Variants in PCDH11X observed in about 807,000 individuals in gnomAD.
PCDH11X encodes the protein protocadherin-11 X-linked.
In PCDH11X, 18 loss-of-function variants were observed where a neutral mutation model predicts 53.3. The observed-to-expected ratio is 0.34, with a 90% CI of 0.23 to 0.50. The LOEUF is 0.50. Among genes scored for constraint, PCDH11X ranks in the 20% least tolerant of loss-of-function variants. The probability of loss-of-function intolerance (pLI) is 0.98; values close to 1 mark genes in which losing one functional copy is unlikely to be tolerated. For missense variants in PCDH11X, 570 were observed against 1,032.4 expected (o/e 0.55, Z 6.14); for synonymous variants, 279 against 393.3 (o/e 0.71, Z 3.44).
At chrX:92,275,980 A>T (rs1436889574) in intron 8 of PCDH11X, among the ~76,000 whole-genome samples, 1 of 110,554 alleles carries the variant, frequency 9.0e-6, no homozygotes, top group Non-Finnish European at 1.9e-5. Flanking sequence ...CAGCAATGAG[A>T]TGCGGCTATA....
At chrX:92,078,234 C>A (rs2063805253) in intron 6 of PCDH11X, among the ~76,000 whole-genome samples, 1 of 109,496 alleles carries the variant, frequency 9.1e-6, no homozygotes, top group African/African-American at 3.3e-5. Flanking sequence ...TTTAAACATT[C>A]CAAAGGAACT....
intron 10 of PCDH11X, among the ~76,000 whole-genome samples, chrX:92,517,627 A>G (rs1381515023): frequency 9.0e-6 from 1 of 111,107 alleles, no homozygotes; most frequent in African/African-American, 3.3e-5. Flanking sequence ...ATTAAATTTT[A>G]TCTCATGGGA....
In PCDH11X at chrX:92,618,999, C is replaced by G. The variant is rs961662442; in HGVS notation, c.*59C>G. The G allele has an allele frequency of 9.3e-7, 1 of 1,070,753 alleles. No individual in the cohort carries two copies. The highest frequency in any genetic ancestry group is 1.9e-5 in the African/African-American group (1 of 53,856). 88.2% of individuals were successfully genotyped at this position (1,070,753 alleles called of 1,213,427 possible). ...ATGTATATAGTCAAAATTTAAGATA[C>G]AATTCCAATGAGTATTCTGATTATC... On this transcript the variant is annotated 3_prime_UTR_variant, in exon 11 of 11. Coordinates refer to ENST00000682573, the MANE Select transcript of PCDH11X (RefSeq NM_032968.5).
At chrX:91,997,106 T>C (rs1283216456) in intron 6 of PCDH11X, among the ~76,000 whole-genome samples, 1 of 110,892 alleles carries the variant, frequency 9.0e-6, no homozygotes, top group Non-Finnish European at 1.9e-5. Flanking sequence ...ATTCCTTTAT[T>C]ATTTCTAACA....
chrX:91,886,743 G>A (rs962435792), intron 6 of PCDH11X, among the ~76,000 whole-genome samples: 16 of 109,360 alleles, frequency 1.5e-4, no homozygotes, highest in South Asian at 3.9e-4. Flanking sequence ...AGGCCAAGGC[G>A]GGAGGATCAC....
intron 10 of PCDH11X, among the ~76,000 whole-genome samples, chrX:92,591,339 A>G (rs1925017610): frequency 9.0e-6 from 1 of 111,269 alleles, no homozygotes; most frequent in Non-Finnish European, 1.9e-5. Context: ...CTTTGTGCAA[A>G]CCAGTTGAGT....
At chrX:91,826,112 T>A (rs1936914316) in intron 4 of PCDH11X, among the ~76,000 whole-genome samples, 1 of 111,690 alleles carries the variant, frequency 9.0e-6, no homozygotes, top group Non-Finnish European at 1.9e-5. Context: ...ATGGTTAATA[T>A]TACATTTATA....
chrX:92,363,568 A>G (rs1399140646), intron 8 of PCDH11X, among the ~76,000 whole-genome samples: 1 of 106,867 alleles, frequency 9.4e-6, no homozygotes, highest in Non-Finnish European at 1.9e-5. Flanking sequence ...AATCTTTAGG[A>G]TTTTATACAT....
At chrX:91,965,678 T>C (rs1325031670) in intron 6 of PCDH11X, among the ~76,000 whole-genome samples, 1 of 111,116 alleles carries the variant, frequency 9.0e-6, no homozygotes. Flanking sequence ...TTTATATCTA[T>C]TTCTTAATAA....
intron 9 of PCDH11X, among the ~76,000 whole-genome samples, chrX:92,403,318 C>T (rs1292076224): frequency 5.7e-5 from 5 of 88,420 alleles, no homozygotes; most frequent in African/African-American, 1.4e-4. Context: ...GATATGTGTC[C>T]GGGCATTTAC....
At chrX:92,169,676 T>A (rs897863338) in intron 6 of PCDH11X, among the ~76,000 whole-genome samples, 8 of 107,462 alleles carry the variant, frequency 7.4e-5, no homozygotes, top group African/African-American at 2.7e-4. Flanking sequence ...GTAGAATATA[T>A]TATATTCTGT....
chrX:92,116,203 A>G (rs1016886668), intron 6 of PCDH11X, among the ~76,000 whole-genome samples: 3 of 112,412 alleles, frequency 2.7e-5, no homozygotes, highest in African/African-American at 9.7e-5. Context: ...TTTGACCAGA[A>G]CTGGGGTTAA....
chrX:91,898,311 C>T (rs1300801988), intron 6 of PCDH11X, among the ~76,000 whole-genome samples: 1 of 108,171 alleles, frequency 9.2e-6, no homozygotes, highest in Non-Finnish European at 1.9e-5. Context: ...TCTCCTGTAC[C>T]AAAGCTATCT....
At chrX:92,038,040 C>G (rs1430943400) in intron 6 of PCDH11X, among the ~76,000 whole-genome samples, 1 of 109,446 alleles carries the variant, frequency 9.1e-6, no homozygotes, top group Non-Finnish European at 1.9e-5. Flanking sequence ...GCAAATCATT[C>G]AAGATGTGAC....
intron 7 of PCDH11X, among the ~76,000 whole-genome samples, chrX:92,250,617 A>T (rs1034194249): frequency 5.9e-4 from 63 of 106,702 alleles, no homozygotes; most frequent in Admixed American, 5.5e-3. Flanking sequence ...ATATAAAATA[A>T]TATGTATAAA....
chrX:92,013,450 A>T (rs2062728757), intron 6 of PCDH11X, among the ~76,000 whole-genome samples: 1 of 111,619 alleles, frequency 9.0e-6, no homozygotes, highest in Non-Finnish European at 1.9e-5. Context: ...GAAAATGGCC[A>T]TACTGCCCAA....
intron 7 of PCDH11X, among the ~76,000 whole-genome samples, chrX:92,230,431 A>T (rs868753131): frequency 0.019 from 875 of 47,253 alleles, 13 homozygotes; most frequent in African/African-American, 0.05. Context: ...ATATATAAAT[A>T]TATATTATAT....
At chrX:92,130,360 A>G (rs1218583768) in intron 6 of PCDH11X, among the ~76,000 whole-genome samples, 2 of 110,948 alleles carry the variant, frequency 1.8e-5, no homozygotes, top group Non-Finnish European at 3.8e-5. Context: ...AAAATTTATT[A>G]TTGAGGCCGG....
At chrX:92,536,034 ATC>A (rs989028873) in intron 10 of PCDH11X, among the ~76,000 whole-genome samples, 1 of 106,393 alleles carries the variant, frequency 9.4e-6, no homozygotes, top group Admixed American at 1.0e-4. Context: ...CATAGATGTG[ATC>A]TCTCTACATA....
Sources: gnomAD v4.1 joint callset for allele counts (sites outside exome capture counted in the v4.1 genomes callset) on GRCh38, gnomAD v4.1.1 for gene constraint, MANE v1.5 for transcripts, NCBI Gene and HGNC (gene_info 2026-07-23, HGNC 2026-07-21) for gene names.